ENTREP2: variants seen among roughly 807,000 people sequenced by gnomAD.
ENTREP2 encodes the protein endosomal transmembrane epsin interactor 2.
chr15:29,286,293 TAA>T, the ENTREP2 span, among the ~76,000 whole-genome samples: 1 of 152,216 alleles, frequency 6.6e-6, no homozygotes, highest in East Asian at 1.9e-4. Context: ...AATGTAAAGA[TAA>T]GTTAATAGAC....
the ENTREP2 span, among the ~76,000 whole-genome samples, chr15:29,174,123 T>TA: frequency 1.3e-5 from 2 of 152,220 alleles, no homozygotes. Context: ...AATTCCTAAG[T>TA]AAAAGCCATC....
chr15:29,228,185 G>T, the ENTREP2 span, among the ~76,000 whole-genome samples: 3 of 152,144 alleles, frequency 2.0e-5, no homozygotes, highest in Admixed American at 1.3e-4. Flanking sequence ...TGGGCATGGT[G>T]GCGGGCGCCT....
At chr15:29,356,296 A>ATTTTTTTTTTTTTTTTTTT in the ENTREP2 span, among the ~76,000 whole-genome samples, 1 of 34,388 alleles carries the variant, frequency 2.9e-5, no homozygotes, top group East Asian at 1.2e-3. Context: ...ATATATATAT[A>ATTTTTTTTTTTTTTTTTTT]TTTTTTTTTT....
the ENTREP2 span, among the ~76,000 whole-genome samples, chr15:29,451,774 AG>A: frequency 6.6e-6 from 1 of 152,028 alleles, no homozygotes; most frequent in South Asian, 2.1e-4. Flanking sequence ...CAGTGACCTT[AG>A]GGGCCCCACC....
the ENTREP2 span, among the ~76,000 whole-genome samples, chr15:29,333,238 C>T: frequency 6.6e-6 from 1 of 152,086 alleles, no homozygotes; most frequent in East Asian, 1.9e-4. Flanking sequence ...GTCTTTAGAG[C>T]AGAACTAGAA....
chr15:29,208,138 T>G, the ENTREP2 span, among the ~76,000 whole-genome samples: 1 of 149,122 alleles, frequency 6.7e-6, no homozygotes, highest in Non-Finnish European at 1.5e-5. Flanking sequence ...ATTTCCCTCT[T>G]TTGCTTTCAC....
the ENTREP2 span, among the ~76,000 whole-genome samples, chr15:29,344,276 A>G: frequency 0.6 from 91,672 of 152,184 alleles, 32,589 homozygotes; most frequent in Non-Finnish European, 0.78. Context: ...GGGTAAACCA[A>G]CACTTTTTAA....
the ENTREP2 span, among the ~76,000 whole-genome samples, chr15:29,321,495 A>G: frequency 9.2e-5 from 14 of 152,022 alleles, no homozygotes; most frequent in Admixed American, 2.6e-4. Context: ...AAACAAACAA[A>G]AAAATTAGCT....
At chr15:29,422,705 T>C in the ENTREP2 span, among the ~76,000 whole-genome samples, 1 of 152,148 alleles carries the variant, frequency 6.6e-6, no homozygotes, top group African/African-American at 2.4e-5. Flanking sequence ...AAAGATACCT[T>C]TGTAAGAGTA....
chr15:29,460,869 G>A, the ENTREP2 span, among the ~76,000 whole-genome samples: 4 of 152,024 alleles, frequency 2.6e-5, no homozygotes, highest in Non-Finnish European at 5.9e-5. Flanking sequence ...TTGGTGGTGT[G>A]AATAAAACCT....
the ENTREP2 span, among the ~76,000 whole-genome samples, chr15:29,397,143 C>T: frequency 6.6e-6 from 1 of 152,170 alleles, no homozygotes; most frequent in African/African-American, 2.4e-5. Context: ...GTAATCTCAA[C>T]ACTTTGGGAG....
chr15:29,332,934 G>T, the ENTREP2 span, among the ~76,000 whole-genome samples: 2 of 149,858 alleles, frequency 1.3e-5, no homozygotes, highest in Non-Finnish European at 3.0e-5. Context: ...ACTCCAGCCT[G>T]GGTAACAAAA....
At chr15:29,152,875 A>C in the ENTREP2 span, among the ~76,000 whole-genome samples, 1 of 152,264 alleles carries the variant, frequency 6.6e-6, no homozygotes, top group African/African-American at 2.4e-5. Flanking sequence ...AATGCCTTCC[A>C]GAGTGGCTGA....
the ENTREP2 span, among the ~76,000 whole-genome samples, chr15:29,384,185 A>C: frequency 6.6e-6 from 1 of 152,108 alleles, no homozygotes. Context: ...TTCCCGCCGG[A>C]GCTCTCACCA....
the ENTREP2 span, among the ~76,000 whole-genome samples, chr15:29,236,748 A>T: frequency 1.3e-5 from 2 of 152,176 alleles, no homozygotes. Flanking sequence ...AATTCTACCA[A>T]ATGCCTAAAG....
chr15:29,190,797 G>A, the ENTREP2 span, among the ~76,000 whole-genome samples: 2 of 152,270 alleles, frequency 1.3e-5, no homozygotes, highest in Non-Finnish European at 1.5e-5. Context: ...GACATGGAGT[G>A]TTACTAATCA....
At chr15:29,633,313 G>A in the ENTREP2 span, among the ~76,000 whole-genome samples, 1 of 152,110 alleles carries the variant, frequency 6.6e-6, no homozygotes, top group Non-Finnish European at 1.5e-5. Context: ...TCAGGGAGAG[G>A]GAGGGGTTGG....
chr15:29,216,646 T>C, the ENTREP2 span, among the ~76,000 whole-genome samples: 3 of 152,208 alleles, frequency 2.0e-5, no homozygotes, highest in Non-Finnish European at 4.4e-5. Context: ...GCGAGTTCCA[T>C]GGTTTGCAAA....
At chr15:29,510,166 C>T in the ENTREP2 span, among the ~76,000 whole-genome samples, 1 of 152,162 alleles carries the variant, frequency 6.6e-6, no homozygotes, top group Non-Finnish European at 1.5e-5. Context: ...TATCACTGGT[C>T]ATTAGAGAAA....
Sources: gnomAD v4.1 joint callset for allele counts (sites outside exome capture counted in the v4.1 genomes callset) on GRCh38, gnomAD v4.1.1 for gene constraint, MANE v1.5 for transcripts, NCBI Gene and HGNC (gene_info 2026-07-23, HGNC 2026-07-21) for gene names.